The following PI4KA variants were observed in gnomAD, a reference collection of about 807,000 sequenced individuals.
PI4KA encodes the protein PI4-kinase alpha.
Under a neutral mutation model 271.4 loss-of-function variants are expected in PI4KA, and 122 were observed. The observed-to-expected ratio is 0.45, with a 90% CI of 0.39 to 0.52. The LOEUF (loss-of-function observed/expected upper bound fraction) is 0.52. PI4KA is among the 20% of genes least tolerant of loss of function. The pLI is 0.00. For synonymous variants in PI4KA, 1,041 were observed against 1,078.8 expected (o/e 0.96, Z 0.69); for missense variants, 1,969 against 2,769.1 (o/e 0.71, Z 6.48).
chr22:20,744,543 T>C (rs1929841721), intron 30 of PI4KA, 85 bp downstream of exon 30: 2 of 914,820 alleles, frequency 2.2e-6, no homozygotes, highest in Non-Finnish European at 3.6e-6. Flanking sequence ...GGACGCTTTG[T>C]TCATTTTCCA....
chr22:20,858,555 G>A lies in PI4KA; in HGVS notation c.156+15C>T. The A allele has an allele frequency of 2.2e-6, 3 of 1,366,944 alleles. No individual in the cohort carries two copies. The highest frequency in any genetic ancestry group is 1.9e-6 in the Non-Finnish European group (2 of 1,053,272). 84.7% of individuals were successfully genotyped at this position (1,366,944 alleles called of 1,614,324 possible). Reference sequence around the variant, plus strand: ...CCTCCTCCTGTCAGCCCGCGGCCCAGCCCGCCGACGTTACCTTCTCCAAGG... The same window carrying A: ...CCTCCTCCTGTCAGCCCGCGGCCCAACCCGCCGACGTTACCTTCTCCAAGG... On this transcript the variant is annotated intron_variant, in intron 1 of 54. Transcript: ENST00000255882.
chr22:20,757,141 A>G lies in PI4KA; in HGVS notation c.2792-3961T>C, dbSNP rs372803353. On this transcript the variant is annotated intron_variant, in intron 23 of 54. Coordinates refer to ENST00000255882, the MANE Select transcript of PI4KA (RefSeq NM_058004.4). The stretch of plus-strand genomic sequence containing the variant: ...GTCCCCACTTTAGTGGGGCTGCTAG[A>G]TATTTCATATACCCTCTCCTCCTGG... 2.8e-3 allele frequency among the ~76,000 whole-genome samples: 426 copies of G among 152,320 alleles called. 2 individuals are homozygous for G. Among genetic ancestry groups the G allele is most frequent in the African/African-American group, 0.01 (418 of 41,562 alleles).
At chr22:20,714,561 A>G in intron 46 of PI4KA, 33 bp from the exon 47 acceptor site, 1 of 1,613,982 alleles carries the variant, frequency 6.2e-7, no homozygotes, top group Non-Finnish European at 8.5e-7. Flanking sequence ...GGCACCCATG[A>G]TGCAGCCGAG....
intron 14 of PI4KA, among the ~76,000 whole-genome samples, chr22:20,801,127 T>A (rs1297096474): frequency 6.7e-6 from 1 of 149,498 alleles, no homozygotes; most frequent in Non-Finnish European, 1.5e-5. Flanking sequence ...CCTGACCTCA[T>A]GATCCACCTG....
intron 27 of PI4KA, among the ~76,000 whole-genome samples, chr22:20,750,637 A>G (rs1930576459): frequency 6.6e-6 from 1 of 152,196 alleles, no homozygotes; most frequent in Non-Finnish European, 1.5e-5. Context: ...GACTGGATGG[A>G]AGGGCAGGCT....
chr22:20,770,699 G>T (rs747336289), intron 19 of PI4KA, among the ~76,000 whole-genome samples: 2 of 150,616 alleles, frequency 1.3e-5, no homozygotes, highest in Non-Finnish European at 3.0e-5. Context: ...GGTAAATCTG[G>T]GTACGGGTAT....
intron 1 of PI4KA, among the ~76,000 whole-genome samples, chr22:20,841,711 A>C (rs1456929551): frequency 6.6e-6 from 1 of 152,172 alleles, no homozygotes; most frequent in African/African-American, 2.4e-5. Flanking sequence ...TTCCAGATCT[A>C]ATTAAATTAA....
intron 50 of PI4KA, among the ~76,000 whole-genome samples, chr22:20,712,056 T>TAACCCTTAACAAAGGATGAC (rs1925353276): frequency 6.8e-6 from 1 of 147,918 alleles, no homozygotes. Context: ...GCCCTGGTTT[T>TAACCCTTAACAAAGGATGAC]TTTGTGTTTT....
At chr22:20,754,340 G>A (rs923903607) in intron 23 of PI4KA, among the ~76,000 whole-genome samples, 1 of 151,942 alleles carries the variant, frequency 6.6e-6, no homozygotes, top group Non-Finnish European at 1.5e-5. Flanking sequence ...CTTCTGCCTC[G>A]GCCTCCTAAA....
At position 20,729,639 on chromosome 22, in the gene PI4KA, G is replaced by A. The variant is rs746521512; in HGVS notation, c.4481C>T (p.Ser1494Phe). ...YYMKRRTLLL[S>F]LLATEIERLI... ...TGCACCTGTGGGCCTTACCAGCAGG[G>A]ACAGCAGCAGCGTCCTGCGCTTCAT... Residue 1494 changes from serine (S) to phenylalanine (F), a missense_variant, in exon 38 of 55, where the codon TCC becomes TTC. By Grantham distance (155) the Ser-to-Phe change is radical (BLOSUM62 -2). Around this residue, in one of 13 missense-constraint regions of PI4KA, gnomAD observed 388 missense variants for 521.5 expected, o/e 0.74. Coordinates refer to ENST00000255882, the MANE Select transcript of PI4KA (RefSeq NM_058004.4). 9.6e-6 allele frequency: 15 copies of A among 1,569,414 alleles called. No individual in the cohort carries two copies. Among genetic ancestry groups the A allele is most frequent in the Admixed American group, 3.8e-5 (2 of 53,146 alleles).
rs573614618 is a variant in PI4KA at position 20,858,565 on chromosome 22, G to C, written c.156+5C>G. 1,121 of 1,380,388 alleles carry C rather than the reference G, an allele frequency of 8.1e-4. 10 individuals are homozygous for C. In the South Asian group the frequency reaches 0.011, roughly 14 times the overall value. The allele number at this position is 1,380,388 out of a possible 1,614,324, so 85.5% of individuals were successfully genotyped here. On this transcript the variant is annotated splice_donor_5th_base_variant and intron_variant, in intron 1 of 54. Coordinates refer to ENST00000255882, the MANE Select transcript of PI4KA (RefSeq NM_058004.4). ...TCAGCCCGCGGCCCAGCCCGCCGAC[G>C]TTACCTTCTCCAAGGATGCTGGTCT... is the stretch of plus-strand genomic sequence containing the variant.
At chr22:20,757,745 T>C (rs1302333044) in intron 23 of PI4KA, among the ~76,000 whole-genome samples, 1 of 152,140 alleles carries the variant, frequency 6.6e-6, no homozygotes, top group Non-Finnish European at 1.5e-5. Flanking sequence ...GGTTTCATCA[T>C]GTTGGCCAGG....
rs142969172 is a variant in PI4KA, at chr22:20,779,540, C to T, written c.2328+13653G>A. The T allele has an allele frequency of 1.4e-5, 22 of 1,613,784 alleles. No individual in the cohort carries two copies. The African/African-American group carries it at 1.7e-4, about 13-fold the overall frequency. ...ACTGGATTCCAGAGGGGGAGGAGGA[C>T]GACGACTATCTGGACCTGGAGAAGA... On this transcript the variant is annotated intron_variant, in intron 19 of 54. Coordinates refer to ENST00000255882, the MANE Select transcript of PI4KA (RefSeq NM_058004.4).
At chr22:20,848,237 CAAAAAAAA>C (rs60503165) in intron 1 of PI4KA, among the ~76,000 whole-genome samples, 1 of 51,226 alleles carries the variant, frequency 2.0e-5, no homozygotes, top group Non-Finnish European at 3.9e-5. Context: ...GACTCCATCT[CAAAAAAAA>C]AAAAAAAAAA....
At chr22:20,731,705 A>G (rs5760224) in intron 36 of PI4KA, among the ~76,000 whole-genome samples, 129,069 of 152,194 alleles carry the variant, frequency 0.85, 55,352 homozygotes, top group African/African-American at 0.96. Flanking sequence ...CGAGGTGGGC[A>G]GATCACGAGG....
chr22:20,747,363 TAA>T (rs369504375), intron 29 of PI4KA: 356 of 370,854 alleles, frequency 9.6e-4, no homozygotes, highest in Middle Eastern at 1.4e-3. Flanking sequence ...TCCATAAATT[TAA>T]AAAAAAAAAA....
At chr22:20,712,029 AC>A (rs1925347060) in intron 50 of PI4KA, among the ~76,000 whole-genome samples, 1 of 138,274 alleles carries the variant, frequency 7.2e-6, no homozygotes, top group South Asian at 2.3e-4. Context: ...AGGCGTGAGC[AC>A]TGCGCCCGGC....
In PI4KA at chr22:20,802,012, T is replaced by A; in HGVS notation, c.1685A>T (p.Tyr562Phe). 6.2e-7 allele frequency: 1 copy of A among 1,614,206 alleles called. No homozygotes were observed. Among genetic ancestry groups the A allele is most frequent in the Non-Finnish European group, 8.5e-7 (1 of 1,180,034 alleles). Residue 562 changes from tyrosine to phenylalanine, a missense_variant, in exon 14 of 55, where the codon TAC becomes TTC. Transcript: ENST00000255882. Reference protein sequence around the residue: ...MSGKKSQPSMYEQLRDIAIDN... With the variant: ...MSGKKSQPSMFEQLRDIAIDN... ...AATAGCGATGTCTCGGAGCTGCTCG[T>A]ACATGGAGGGCTGGCTCTTCTTACC...
rs1157749612 is a variant in PI4KA, at chr22:20,798,637, C to G, written c.2055G>C (p.Lys685Asn). Residue 685 changes from lysine (K) to asparagine (N), a missense_variant, in exon 17 of 55, where the codon AAG becomes AAC. By Grantham distance (94) the Lys-to-Asn change is moderately conservative. Transcript: ENST00000255882. ...VWNLFQQISV[K>N]ASSVVYSATK... ...TGGCTGAGTATACAACGGAGCTGGC[C>G]TTCACACTGATCTGCTGGAAGAGGT... 1.2e-6 allele frequency: 2 copies of G among 1,613,898 alleles called. No homozygotes were observed. The highest frequency in any genetic ancestry group is 2.7e-5 in the African/African-American group (2 of 74,926).
Sources: allele counts gnomAD v4.1 joint callset (sites outside exome capture counted in the v4.1 genomes callset), GRCh38; gene constraint gnomAD v4.1.1; regional missense constraint gnomAD v4.1.1; transcripts MANE v1.5; gene names NCBI Gene and HGNC (gene_info 2026-07-23, HGNC 2026-07-21).